Variants in SLC25A48 observed in about 807,000 individuals in gnomAD.
The protein encoded by SLC25A48 is solute carrier family 25 member 48.
Under a neutral mutation model 32.2 loss-of-function variants are expected in SLC25A48, and 29 were observed. The observed-to-expected ratio is 0.90, with a 90% CI of 0.67 to 1.23. SLC25A48 has a LOEUF of 1.23. Ranked by LOEUF, SLC25A48 falls within the 50% of genes most tolerant of loss-of-function variation. SLC25A48 has a pLI of 0.00. For synonymous variants in SLC25A48, 164 were observed against 172.3 expected (o/e 0.95, Z 0.38); for missense variants, 399 against 422.7 (o/e 0.94, Z 0.49).
chr5:135,822,779 G>A (rs986825675), intron 4 of SLC25A48, among the ~76,000 whole-genome samples: 13 of 152,182 alleles, frequency 8.5e-5, no homozygotes, highest in African/African-American at 2.7e-4. Context: ...AGGCTTCAGA[G>A]TGGGTCAGAC....
At chr5:135,799,246 T>C (rs1298606005) in intron 3 of SLC25A48, among the ~76,000 whole-genome samples, 15 of 151,756 alleles carry the variant, frequency 9.9e-5, no homozygotes. Context: ...TTCTGTGATA[T>C]TGTTTCCAGT....
intron 3 of SLC25A48, among the ~76,000 whole-genome samples, chr5:135,703,810 A>G (rs1378925542): frequency 6.6e-6 from 1 of 152,108 alleles, no homozygotes; most frequent in Non-Finnish European, 1.5e-5. Context: ...ATGAATACAC[A>G]TCTGCCCTCT....
chr5:135,583,345 T>C (rs1035276829), intron 1 of SLC25A48, among the ~76,000 whole-genome samples: 4 of 152,054 alleles, frequency 2.6e-5, no homozygotes, highest in African/African-American at 7.2e-5. Flanking sequence ...CCCACAGGTG[T>C]CTGGGCACTA....
chr5:135,580,814 T>A (rs1751214884), intron 1 of SLC25A48, among the ~76,000 whole-genome samples: 1 of 152,196 alleles, frequency 6.6e-6, no homozygotes, highest in African/African-American at 2.4e-5. Flanking sequence ...TTGCTTTGTG[T>A]GCACATGTAC....
intron 3 of SLC25A48, among the ~76,000 whole-genome samples, chr5:135,771,129 A>G (rs986892629): frequency 1.5e-4 from 23 of 151,630 alleles, no homozygotes; most frequent in Non-Finnish European, 3.4e-4. Context: ...TGTTTCTCCT[A>G]ATATTCAGTG....
chr5:135,707,519 C>T (rs1053283079), intron 3 of SLC25A48, among the ~76,000 whole-genome samples: 10 of 152,174 alleles, frequency 6.6e-5, no homozygotes, highest in African/African-American at 2.4e-4. Flanking sequence ...ACTCCCGCCG[C>T]CCCCGCCCTT....
At chr5:135,606,786 A>G (rs1751948988) in intron 1 of SLC25A48, among the ~76,000 whole-genome samples, 1 of 152,216 alleles carries the variant, frequency 6.6e-6, no homozygotes, top group African/African-American at 2.4e-5. Flanking sequence ...TGGCCTCTGA[A>G]CAAATCTCCC....
chr5:135,772,942 C>G (rs1256955530), intron 3 of SLC25A48, among the ~76,000 whole-genome samples: 4 of 150,448 alleles, frequency 2.7e-5, no homozygotes, highest in Non-Finnish European at 5.9e-5. Context: ...ATATTACTCC[C>G]AATATTGCAG....
At chr5:135,740,156 A>G (rs955335400) in intron 3 of SLC25A48, among the ~76,000 whole-genome samples, 3 of 152,094 alleles carry the variant, frequency 2.0e-5, no homozygotes, top group African/African-American at 4.8e-5. Context: ...CAACAAGTAT[A>G]TATGTGTGTG....
At chr5:135,684,927 T>G (rs1407982619) in intron 3 of SLC25A48, among the ~76,000 whole-genome samples, 1 of 152,112 alleles carries the variant, frequency 6.6e-6, no homozygotes, top group Non-Finnish European at 1.5e-5. Flanking sequence ...GACATGCAAG[T>G]AGTCAACTTA....
intron 1 of SLC25A48, among the ~76,000 whole-genome samples, chr5:135,593,415 C>T (rs1341920150): frequency 1.3e-5 from 2 of 152,232 alleles, no homozygotes; most frequent in Non-Finnish European, 2.9e-5. Context: ...CAGGTCAACA[C>T]TCAATGGATA....
Position 135,796,016 on chromosome 5 carries a change from G to GGC in SLC25A48, c.-520-16506_-520-16505insCG, listed in dbSNP as rs1554075755. 9.1e-5 allele frequency among the ~76,000 whole-genome samples: 12 copies of GGC among 132,066 alleles called. 2 individuals carry two copies. The highest frequency in any genetic ancestry group is 2.0e-4 in the Non-Finnish European group (12 of 60,340). 86.6% of individuals were successfully genotyped at this position (132,066 alleles called of 152,430 possible). On this transcript the variant is annotated intron_variant, in intron 3 of 10. Coordinates refer to the SLC25A48 transcript ENST00000646290. Reference sequence around the variant, plus strand: ...ATTACTCCCAGTATCGCGAGGGGGGGGTGGGTGTAACTGCCCACTTATGAT... The same window carrying GGC: ...ATTACTCCCAGTATCGCGAGGGGGGGGCGTGGGTGTAACTGCCCACTTATGAT...
At chr5:135,852,066 G>T (rs931913104) in intron 3 of SLC25A48, among the ~76,000 whole-genome samples, 2 of 152,190 alleles carry the variant, frequency 1.3e-5, no homozygotes, top group African/African-American at 4.8e-5. Context: ...CAATTTGTCT[G>T]TTCCACACCT....
intron 3 of SLC25A48, among the ~76,000 whole-genome samples, chr5:135,811,157 A>G (rs1757582273): frequency 6.6e-6 from 1 of 152,136 alleles, no homozygotes; most frequent in Non-Finnish European, 1.5e-5. Context: ...AACCCATGAA[A>G]TGCAAGGAGC....
At chr5:135,799,369 T>A (rs1285501093) in intron 3 of SLC25A48, among the ~76,000 whole-genome samples, 1 of 151,634 alleles carries the variant, frequency 6.6e-6, no homozygotes, top group African/African-American at 2.4e-5. Flanking sequence ...ACTCCCAATA[T>A]TGCAGAAAGT....
intron 3 of SLC25A48, among the ~76,000 whole-genome samples, chr5:135,739,452 C>T (rs899516261): frequency 6.6e-6 from 1 of 152,172 alleles, no homozygotes; most frequent in Non-Finnish European, 1.5e-5. Context: ...CCTGGCCAGC[C>T]TGTGATTCGT....
At chr5:135,882,846 G>A (rs1385190414) in intron 7 of SLC25A48, among the ~76,000 whole-genome samples, 2 of 152,132 alleles carry the variant, frequency 1.3e-5, no homozygotes, top group East Asian at 3.9e-4. Context: ...TCGGTTTCAG[G>A]AAAACTGATT....
chr5:135,880,466 A>G (rs1397589844), intron 7 of SLC25A48, among the ~76,000 whole-genome samples: 1 of 152,096 alleles, frequency 6.6e-6, no homozygotes, highest in Non-Finnish European at 1.5e-5. Context: ...GGGTACCTGC[A>G]GGGGGCACCG....
At position 135,880,064 on chromosome 5, in the gene SLC25A48, G is replaced by A. The variant is rs749574645; in HGVS notation, c.910G>A (p.Gly304Arg). ...GYELSLQAIR[G>R]DHAVTSP ...CGAGCTGTCGCTGCAGGCTATCCGCGGGGACCACGCAGTGACGAGCCCATA... is the reference window on the plus strand; with the variant it reads ...CGAGCTGTCGCTGCAGGCTATCCGCAGGGACCACGCAGTGACGAGCCCATA... Residue 304 changes from glycine (G) to arginine (R), a missense_variant, in exon 7 of 8, where the codon GGG becomes AGG. Gly to Arg is a moderately radical substitution (Grantham distance 125). Transcript: ENST00000681962. 99 of 1,536,138 alleles carry A rather than the reference G, an allele frequency of 6.4e-5. No homozygotes were observed. The highest frequency in any genetic ancestry group is 1.1e-4 in the South Asian group (9 of 84,058).
Sources: allele counts gnomAD v4.1 joint callset (sites outside exome capture counted in the v4.1 genomes callset), GRCh38; gene constraint gnomAD v4.1.1; transcripts MANE v1.5; gene names NCBI Gene and HGNC (gene_info 2026-07-23, HGNC 2026-07-21).